The following HTR4 variants were observed in gnomAD, a reference collection of about 807,000 sequenced individuals.
The protein encoded by HTR4 is 5-hydroxytryptamine (serotonin) receptor 4, G protein-coupled.
Under a neutral mutation model 36.8 loss-of-function variants are expected in HTR4, and 16 were observed. The observed-to-expected ratio is 0.43, with a 90% confidence interval of 0.29 to 0.66. HTR4 has a LOEUF of 0.66. Among genes scored for constraint, HTR4 ranks in the 30% least tolerant of loss-of-function variants. The pLI is 0.13. For missense variants in HTR4, 438 were observed against 490.9 expected, an observed-to-expected ratio of 0.89 and a Z score of 1.02; for synonymous variants, 189 against 185.1, an observed-to-expected ratio of 1.02 and a Z score of -0.17.
chr5:148,504,799 T>G (rs1757112761), intron 6 of HTR4, among the ~76,000 whole-genome samples: 1 of 152,068 alleles, frequency 6.6e-6, no homozygotes, highest in African/African-American at 2.4e-5. Context: ...CAATAAAAAA[T>G]GATTAAGGGG....
chr5:148,644,368 C>G (rs1222136166), intron 1 of HTR4, among the ~76,000 whole-genome samples: 2 of 146,954 alleles, frequency 1.4e-5, no homozygotes, highest in African/African-American at 5.0e-5. Flanking sequence ...TGAAAACCCT[C>G]CTGTTATTTC....
At chr5:148,515,412 T>C (rs1757694196) in intron 5 of HTR4, among the ~76,000 whole-genome samples, 1 of 152,192 alleles carries the variant, frequency 6.6e-6, no homozygotes, top group Admixed American at 6.5e-5. Flanking sequence ...CACATATTTA[T>C]CATTTCCAGT....
chr5:148,632,412 C>T (rs1028792390), intron 2 of HTR4, among the ~76,000 whole-genome samples: 4 of 152,048 alleles, frequency 2.6e-5, no homozygotes, highest in Non-Finnish European at 4.4e-5. Flanking sequence ...GAAGCCGATC[C>T]TTAAATGAGG....
At chr5:148,471,469 C>T (rs756197127) in intron 5 of HTR4, among the ~76,000 whole-genome samples, 6 of 152,128 alleles carry the variant, frequency 3.9e-5, no homozygotes, top group Non-Finnish European at 7.4e-5. Context: ...ATTCCTTAAT[C>T]CAGTTTCTAG....
chr5:148,520,781 T>C (rs749432609), intron 5 of HTR4: 15 of 981,308 alleles, frequency 1.5e-5, no homozygotes, highest in Non-Finnish European at 2.1e-5. Flanking sequence ...TTGGATTTCA[T>C]TTCCTCCAGG....
chr5:148,644,127 T>C (rs1163430263), intron 1 of HTR4, among the ~76,000 whole-genome samples: 4 of 152,184 alleles, frequency 2.6e-5, no homozygotes, highest in African/African-American at 9.7e-5. Flanking sequence ...GATATTACTG[T>C]TGCTGGTGGT....
At chr5:148,619,992 G>A (rs1752854364) in intron 2 of HTR4, among the ~76,000 whole-genome samples, 2 of 152,262 alleles carry the variant, frequency 1.3e-5, no homozygotes, top group South Asian at 4.1e-4. Context: ...CAGGGTACAA[G>A]AACAGACAAT....
chr5:148,603,017 A>G (rs1476118750), intron 2 of HTR4, among the ~76,000 whole-genome samples: 2 of 152,094 alleles, frequency 1.3e-5, no homozygotes. Flanking sequence ...TCTTCCAAAC[A>G]CTTAAGAAAT....
At chr5:148,566,975 A>G (rs1760469419) in intron 2 of HTR4, among the ~76,000 whole-genome samples, 1 of 151,944 alleles carries the variant, frequency 6.6e-6, no homozygotes, top group African/African-American at 2.4e-5. Flanking sequence ...TTTTTTTTCA[A>G]AATGCATTGC....
chr5:148,609,626 C>T (rs571765833), intron 2 of HTR4, among the ~76,000 whole-genome samples: 42 of 148,476 alleles, frequency 2.8e-4, no homozygotes, highest in Middle Eastern at 7.1e-3. Flanking sequence ...AGTGCAGTGG[C>T]GCGATCTAGG....
rs544628967 is a variant in HTR4, at chr5:148,614,658, A to C, written c.26+22331T>G. On this transcript the variant is annotated intron_variant, in intron 2 of 6. Transcript: ENST00000377888. ...TGTCTAAGACACCAAAAGCAATGGC[A>C]ACAAAAGACAAAATTGACAAATGGG... Among the ~76,000 whole-genome samples, 1,355 of 152,306 alleles carry C rather than the reference A, an allele frequency of 8.9e-3. 24 individuals carry two copies. The highest frequency in any genetic ancestry group is 0.031 in the African/African-American group (1,296 of 41,556).
At chr5:148,468,626 C>T (rs1441638396) in intron 5 of HTR4, among the ~76,000 whole-genome samples, 1 of 152,162 alleles carries the variant, frequency 6.6e-6, no homozygotes, top group Non-Finnish European at 1.5e-5. Context: ...TCGTTGGAAG[C>T]AGATGTCATT....
At chr5:148,452,294 A>C (rs1287816842) in intron 5 of HTR4, among the ~76,000 whole-genome samples, 1 of 152,348 alleles carries the variant, frequency 6.6e-6, no homozygotes, top group African/African-American at 2.4e-5. Flanking sequence ...ATGGGAATAT[A>C]GGTCATACAT....
intron 2 of HTR4, among the ~76,000 whole-genome samples, chr5:148,582,533 C>T (rs901099947): frequency 6.6e-6 from 1 of 152,094 alleles, no homozygotes; most frequent in Non-Finnish European, 1.5e-5. Flanking sequence ...TGTTTAACTG[C>T]CACTTAGATG....
rs1009907534 is a variant in HTR4 at position 148,567,749 on chromosome 5, G to T, written c.27-17487C>A. ...TCTTCACTTAGGTCTCTGCTCAAAG[G>T]TGTCCCCATCAAAGAGCATTTTCCT... On this transcript the variant is annotated intron_variant, in intron 2 of 6. Coordinates refer to ENST00000377888, the MANE Select transcript of HTR4 (RefSeq NM_000870.7). Among the ~76,000 whole-genome samples the T allele has an allele frequency of 5.9e-5, 9 of 152,184 alleles. No individual in the cohort carries two copies. The East Asian group carries it at 1.5e-3, about 26-fold the overall frequency.
rs58003522 is a variant in HTR4 at position 148,600,976 on chromosome 5, C to CAAAAAAAAAAAA, written c.26+36001_26+36012dup. On this transcript the variant is annotated intron_variant, in intron 2 of 6. Transcript: ENST00000377888. Reference sequence around the variant, plus strand: ...ATGAGGAACTCCCACAACTCAATAGCAAAAAAAAAAAAAAAAAAAAAAAAA... The same window carrying CAAAAAAAAAAAA: ...ATGAGGAACTCCCACAACTCAATAGCAAAAAAAAAAAAAAAAAAAAAAAAAAAAAAAAAAAAA... Among the ~76,000 whole-genome samples, 134 of 13,574 alleles carry CAAAAAAAAAAAA rather than the reference C, an allele frequency of 9.9e-3. 12 individuals are homozygous for CAAAAAAAAAAAA. Among genetic ancestry groups the CAAAAAAAAAAAA allele is most frequent in the Non-Finnish European group, 0.013 (99 of 7,726 alleles). The allele number at this position is 13,574 out of a possible 152,430, so 8.9% of individuals were successfully genotyped here. A position where few individuals can be genotyped will look rare whatever the true frequency, so the allele number is the denominator to read the frequency against.
chr5:148,515,780 T>A (rs984143366), intron 5 of HTR4, among the ~76,000 whole-genome samples: 1 of 152,004 alleles, frequency 6.6e-6, no homozygotes, highest in Non-Finnish European at 1.5e-5. Flanking sequence ...TAAATGAATT[T>A]TCTAGATATA....
At chr5:148,532,426 T>A (rs1405602836) in intron 4 of HTR4, among the ~76,000 whole-genome samples, 1 of 152,240 alleles carries the variant, frequency 6.6e-6, no homozygotes, top group East Asian at 1.9e-4. Context: ...ACTGGATTTT[T>A]AAAATGTAAT....
Sources: gnomAD v4.1 joint callset for allele counts (sites outside exome capture counted in the v4.1 genomes callset) on GRCh38, gnomAD v4.1.1 for gene constraint, MANE v1.5 for transcripts, NCBI Gene and HGNC (gene_info 2026-07-23, HGNC 2026-07-21) for gene names.